Variants in NFIB observed in about 807,000 individuals in gnomAD.
The protein encoded by NFIB is nuclear factor I B.
A neutral mutation model predicts 61.5 loss-of-function variants in NFIB; 11 were observed. That is an observed-to-expected ratio of 0.18 (90% CI 0.11 to 0.30). NFIB has a LOEUF of 0.30. Ranked by LOEUF, NFIB falls within the 10% of genes least tolerant of loss-of-function variation. The pLI is 1.00. For synonymous variants in NFIB, 260 were observed against 216.5 expected (o/e 1.20, Z -1.76); for missense variants, 471 against 608.9 (o/e 0.77, Z 2.38).
chr9:14,296,906 T>G (rs1218224201), intron 2 of NFIB, among the ~76,000 whole-genome samples: 1 of 152,230 alleles, frequency 6.6e-6, no homozygotes, highest in Non-Finnish European at 1.5e-5. Context: ...TATTTACTCT[T>G]CAGTCTAAGA....
the NFIB span, among the ~76,000 whole-genome samples, chr9:14,428,305 T>A: frequency 6.6e-6 from 1 of 152,206 alleles, no homozygotes; most frequent in African/African-American, 2.4e-5. Context: ...TTCCAGAATT[T>A]GAATCCATTT....
intron 4 of NFIB, among the ~76,000 whole-genome samples, chr9:14,152,028 G>T (rs1430291128): frequency 6.6e-6 from 1 of 151,998 alleles, no homozygotes. Context: ...TATTAGGCAG[G>T]CTAAGATTAA....
At chr9:14,229,877 C>T (rs2052903985) in intron 2 of NFIB, among the ~76,000 whole-genome samples, 1 of 152,190 alleles carries the variant, frequency 6.6e-6, no homozygotes, top group African/African-American at 2.4e-5. Context: ...TCTCGGCTCA[C>T]CACAACCTCC....
At chr9:14,244,974 A>T (rs920808450) in intron 2 of NFIB, among the ~76,000 whole-genome samples, 2 of 152,060 alleles carry the variant, frequency 1.3e-5, no homozygotes, top group East Asian at 3.9e-4. Flanking sequence ...TCTCACTATC[A>T]TTCTCCTGTA....
At chr9:14,092,920 A>G (rs1240173429) in intron 10 of NFIB, among the ~76,000 whole-genome samples, 2 of 152,072 alleles carry the variant, frequency 1.3e-5, no homozygotes, top group East Asian at 3.8e-4. Flanking sequence ...GTAAAGAGCT[A>G]TACCTTTCAG....
chr9:14,510,082 G>C, the NFIB span, among the ~76,000 whole-genome samples: 1 of 152,128 alleles, frequency 6.6e-6, no homozygotes, highest in African/African-American at 2.4e-5. Context: ...TGTTAGTAGA[G>C]ACAGGATTTC....
intron 4 of NFIB, 93 bp downstream of exon 4, chr9:14,155,732 T>A (rs574447267): frequency 3.3e-6 from 2 of 612,266 alleles, no homozygotes; most frequent in Non-Finnish European, 2.7e-6. Flanking sequence ...TTTCCTAATA[T>A]GTGGTCACTC....
At chr9:14,259,176 A>G (rs1165039579) in intron 2 of NFIB, among the ~76,000 whole-genome samples, 3 of 152,228 alleles carry the variant, frequency 2.0e-5, no homozygotes, top group Non-Finnish European at 2.9e-5. Context: ...TCATGAAGTG[A>G]TAACATTTCT....
chr9:14,213,664 G>C (rs946425585), intron 2 of NFIB, among the ~76,000 whole-genome samples: 1 of 152,130 alleles, frequency 6.6e-6, no homozygotes, highest in Non-Finnish European at 1.5e-5. Context: ...GCCTTCAGTG[G>C]TTTCCCCATA....
At chr9:14,391,033 A>T (rs186139759) in intron 1 of NFIB, among the ~76,000 whole-genome samples, 1 of 152,204 alleles carries the variant, frequency 6.6e-6, no homozygotes, top group East Asian at 1.9e-4. Flanking sequence ...ATACAGAAGA[A>T]TATCAATTTG....
At chr9:14,361,574 A>T (rs1237948390) in intron 1 of NFIB, 3 of 152,256 alleles carry the variant, frequency 2.0e-5, no homozygotes, top group Non-Finnish European at 4.4e-5. Context: ...AATGACATAT[A>T]GCATACATTA....
chr9:14,307,611 T>G lies in NFIB; in HGVS notation c.31-91A>C, dbSNP rs1259695599. On this transcript the variant is annotated intron_variant, in intron 1 of 10. Transcript: ENST00000380953. The surrounding 1 kb of genome is among the most constrained non-coding windows in gnomAD (Gnocchi z 5.3). Reference sequence around the variant, plus strand: ...TAAGAAAAGAAGACCACAACCCGTTTCCAATTCAGTACAAAAAGTTATACA... The same window carrying G: ...TAAGAAAAGAAGACCACAACCCGTTGCCAATTCAGTACAAAAAGTTATACA... 3 of 1,215,730 alleles carry G rather than the reference T, an allele frequency of 2.5e-6. No homozygotes were observed. Among genetic ancestry groups the G allele is most frequent in the African/African-American group, 1.5e-5 (1 of 66,176 alleles). The allele number at this position is 1,215,730 out of a possible 1,614,324, so 75.3% of individuals were successfully genotyped here.
At chr9:14,302,301 T>C (rs907164827) in intron 2 of NFIB, among the ~76,000 whole-genome samples, 1 of 152,226 alleles carries the variant, frequency 6.6e-6, no homozygotes, top group East Asian at 1.9e-4. Context: ...TAGCATTTGC[T>C]TCCTCACTAA....
At chr9:14,171,229 C>A (rs2045531100) in intron 3 of NFIB, among the ~76,000 whole-genome samples, 2 of 152,176 alleles carry the variant, frequency 1.3e-5, no homozygotes, top group African/African-American at 4.8e-5. Context: ...AAATGCTGCT[C>A]AAGCCTTGCT....
intron 2 of NFIB, among the ~76,000 whole-genome samples, chr9:14,214,869 T>C (rs1418155827): frequency 6.6e-6 from 1 of 152,208 alleles, no homozygotes; most frequent in Non-Finnish European, 1.5e-5. Flanking sequence ...CAGAGAGCCA[T>C]CCTATACAAT....
chr9:14,475,525 C>T, the NFIB span, among the ~76,000 whole-genome samples: 181 of 152,212 alleles, frequency 1.2e-3, no homozygotes, highest in Non-Finnish European at 9.1e-4. Flanking sequence ...GTCTTGAATG[C>T]CCACTGCTTC....
intron 2 of NFIB, chr9:14,180,802 T>C (rs1563872017): frequency 1.3e-5 from 2 of 152,246 alleles, no homozygotes; most frequent in Non-Finnish European, 2.9e-5. Context: ...TGGCTGTGAA[T>C]GCACTAGGCT....
At chr9:14,474,153 G>A in the NFIB span, among the ~76,000 whole-genome samples, 118 of 152,264 alleles carry the variant, frequency 7.7e-4, 1 homozygote, top group East Asian at 0.02. Context: ...TGTTCAGGTG[G>A]CTTTAATAGA....
chr9:14,280,679 T>G (rs1387621427), intron 2 of NFIB, among the ~76,000 whole-genome samples: 1 of 152,146 alleles, frequency 6.6e-6, no homozygotes, highest in Admixed American at 6.6e-5. Context: ...AAGGGGGGAC[T>G]CAGGATGACA....
Sources: allele counts gnomAD v4.1 joint callset (sites outside exome capture counted in the v4.1 genomes callset), GRCh38; gene constraint gnomAD v4.1.1; non-coding constraint Gnocchi (gnomAD v3.1); transcripts MANE v1.5; gene names NCBI Gene and HGNC (gene_info 2026-07-23, HGNC 2026-07-21).